Variants in CABYR observed in about 807,000 individuals in gnomAD.
CABYR encodes the protein calcium-binding tyrosine phosphorylation-regulated protein.
A neutral mutation model predicts 36.1 loss-of-function variants in CABYR; 31 were observed. The ratio of observed to expected loss-of-function variants is 0.86; its 90% CI spans 0.64 to 1.16. The LOEUF is 1.16. Among genes scored for constraint, CABYR ranks in the 50% most tolerant of loss-of-function variants. The pLI is 0.00. For synonymous variants in CABYR, 146 were observed against 160.7 expected, an observed-to-expected ratio of 0.91 and a Z score of 0.69; for missense variants, 429 against 455.8, an observed-to-expected ratio of 0.94 and a Z score of 0.53.
chr18:24,141,791 C>T (rs549321405), intron 1 of CABYR, among the ~76,000 whole-genome samples: 1 of 152,188 alleles, frequency 6.6e-6, no homozygotes, highest in East Asian at 1.9e-4. Context: ...ACAGGTTGGT[C>T]TGTGCAGTAT....
At chr18:24,141,129 C>G (rs779079936) in intron 1 of CABYR, among the ~76,000 whole-genome samples, 2 of 152,038 alleles carry the variant, frequency 1.3e-5, no homozygotes, top group Non-Finnish European at 2.9e-5. Flanking sequence ...TGAATGATAT[C>G]GTAAAAGGAA....
rs1415793606 is a variant in CABYR, at chr18:24,141,253, T to C, written c.-24-1838T>C. Reference sequence around the variant, plus strand: ...GAAGATGAGATGTGTTTTTAAGTATTGAACATTTTGCTATGAGATATTCGT... The same window carrying C: ...GAAGATGAGATGTGTTTTTAAGTATCGAACATTTTGCTATGAGATATTCGT... On this transcript the variant is annotated intron_variant, in intron 1 of 5. Coordinates refer to ENST00000399496, the MANE Select transcript of CABYR (RefSeq NM_153769.3). 2.6e-5 allele frequency among the ~76,000 whole-genome samples: 4 copies of C among 152,226 alleles called. No homozygotes were observed. The East Asian group carries it at 7.7e-4, about 29-fold the overall frequency.
intron 3 of CABYR, among the ~76,000 whole-genome samples, chr18:24,144,184 C>T (rs2085402052): frequency 6.6e-6 from 1 of 152,158 alleles, no homozygotes; most frequent in Non-Finnish European, 1.5e-5. Flanking sequence ...ACCTATGAGC[C>T]ACTGTGCCCA....
At chr18:24,156,296 G>A in intron 4 of CABYR, 2 of 1,614,204 alleles carry the variant, frequency 1.2e-6, no homozygotes, top group Non-Finnish European at 1.7e-6. Context: ...TCCCCTTGCA[G>A]GATGAACAAG....
intron 4 of CABYR, chr18:24,156,721 G>A (rs761867428): frequency 6.2e-7 from 1 of 1,614,166 alleles, no homozygotes; most frequent in Admixed American, 1.7e-5. Flanking sequence ...GATGCAGAAG[G>A]TGCTATCAAA....
At chr18:24,140,498 T>C (rs1017387075) in intron 1 of CABYR, among the ~76,000 whole-genome samples, 7 of 15,244 alleles carry the variant, frequency 4.6e-4, no homozygotes. Flanking sequence ...AGACATACAA[T>C]GTTAATCACA....
At position 24,143,366 on chromosome 18, in the gene CABYR, C is replaced by T. The variant is rs752167605; in HGVS notation, c.152C>T (p.Thr51Ile). The change falls in exon 3 of 6, where the codon ACT (threonine) becomes ATT (isoleucine). Residue 51 changes from threonine (T) to isoleucine (I), a missense_variant. Thr to Ile is a moderately conservative substitution (Grantham distance 89). Transcript: ENST00000399496. ...CCTGTATTGATTCCTTCAGGGAATA[C>T]TACTATGGATATAAAAGATCTGGTT... ...FQELTMYRGN[T>I]TMDIKDLVKQ... 3 of 1,584,794 alleles carry T rather than the reference C, an allele frequency of 1.9e-6. No homozygotes were observed. The highest frequency in any genetic ancestry group is 2.6e-6 in the Non-Finnish European group (3 of 1,158,876).
Position 24,159,754 on chromosome 18 carries a change from C to G in CABYR, c.824C>G (p.Pro275Arg), listed in dbSNP as rs753823524. Residue 275 changes from proline (P) to arginine (R), a missense_variant, in exon 5 of 6, where the codon CCT becomes CGT. Pro to Arg is a moderately radical substitution (Grantham distance 103, BLOSUM62 -2). Transcript: ENST00000399496. ...SNVQEAQGWK[P>R]LPGHAVVSQS... The stretch of plus-strand genomic sequence containing the variant: ...GTTCAGGAAGCACAGGGATGGAAAC[C>G]TCTTCCTGGACATGCTGTCGTTTCA... 1.9e-6 allele frequency: 3 copies of G among 1,613,798 alleles called. No homozygotes were observed. Among genetic ancestry groups the G allele is most frequent in the African/African-American group, 2.7e-5 (2 of 74,798 alleles).
chr18:24,157,459 C>T (rs2085820779), intron 4 of CABYR, among the ~76,000 whole-genome samples: 1 of 152,146 alleles, frequency 6.6e-6, no homozygotes, highest in African/African-American at 2.4e-5. Context: ...TGACTGCTTT[C>T]ACACTGAGTC....
intron 3 of CABYR, among the ~76,000 whole-genome samples, chr18:24,145,689 C>G (rs966261857): frequency 6.6e-6 from 1 of 152,090 alleles, no homozygotes; most frequent in African/African-American, 2.4e-5. Context: ...AAAGCTAAGT[C>G]GAGAGATCAG....
chr18:24,147,252 C>CA (rs5823414), intron 3 of CABYR, among the ~76,000 whole-genome samples: 70,372 of 96,434 alleles, frequency 0.73, 25,737 homozygotes, highest in Middle Eastern at 0.81. Flanking sequence ...AACCATGTCT[C>CA]AAAAAAAAAA....
At chr18:24,144,038 C>T (rs2085396597) in intron 3 of CABYR, among the ~76,000 whole-genome samples, 1 of 152,002 alleles carries the variant, frequency 6.6e-6, no homozygotes, top group Non-Finnish European at 1.5e-5. Context: ...GTTGGGACTC[C>T]AGGCGCCCAC....
intron 3 of CABYR, chr18:24,152,621 A>C (rs1392607056): frequency 6.6e-6 from 1 of 152,206 alleles, no homozygotes; most frequent in Non-Finnish European, 1.5e-5. Context: ...ACATTTAAAA[A>C]ATTAATTACA....
At chr18:24,147,812 C>G (rs1373723950) in intron 3 of CABYR, among the ~76,000 whole-genome samples, 1 of 152,096 alleles carries the variant, frequency 6.6e-6, no homozygotes, top group Non-Finnish European at 1.5e-5. Context: ...TGTTTCTTTA[C>G]GACTTCTAAT....
intron 3 of CABYR, among the ~76,000 whole-genome samples, chr18:24,148,956 G>T (rs147961704): frequency 1.3e-5 from 2 of 152,102 alleles, no homozygotes; most frequent in African/African-American, 4.8e-5. Context: ...CTGCTGGCTC[G>T]AACAGCCTGC....
In CABYR at chr18:24,159,525, C is replaced by T. The variant is rs758531005; in HGVS notation, c.595C>T (p.Leu199Phe). Residue 199 changes from leucine to phenylalanine, a missense_variant, in exon 5 of 6, where the codon CTT becomes TTT. Physicochemically the swap from Leu to Phe is conservative, Grantham distance 22. Coordinates refer to ENST00000399496, the MANE Select transcript of CABYR (RefSeq NM_153769.3). ...QPPPCSNMWT[L>F]YCLTDKNQQG... ...ACCACCATGTTCTAACATGTGGACCCTTTATTGTCTAACTGATAAGAATCA... is the reference window on the plus strand; with the variant it reads ...ACCACCATGTTCTAACATGTGGACCTTTTATTGTCTAACTGATAAGAATCA... The T allele has an allele frequency of 3.3e-5, 53 of 1,613,950 alleles. No individual in the cohort carries two copies. The South Asian group carries it at 5.5e-4, about 17-fold the overall frequency.
intron 3 of CABYR, among the ~76,000 whole-genome samples, chr18:24,150,783 G>GTTTTT (rs10715707): frequency 8.8e-6 from 1 of 113,570 alleles, no homozygotes; most frequent in Non-Finnish European, 1.9e-5. Flanking sequence ...TTTGTTTTTT[G>GTTTTT]TTTTTTTTTT....
intron 3 of CABYR, among the ~76,000 whole-genome samples, chr18:24,150,192 G>A (rs1313671501): frequency 6.6e-6 from 1 of 152,260 alleles, no homozygotes; most frequent in East Asian, 1.9e-4. Flanking sequence ...ACTGCATTTG[G>A]TGTTGCTCAC....
chr18:24,141,741 GAC>G (rs1413399501), intron 1 of CABYR, among the ~76,000 whole-genome samples: 1 of 152,100 alleles, frequency 6.6e-6, no homozygotes, highest in East Asian at 1.9e-4. Flanking sequence ...CATACACCCT[GAC>G]ACAGTTTCAG....
Sources: allele counts gnomAD v4.1 joint callset (sites outside exome capture counted in the v4.1 genomes callset), GRCh38; gene constraint gnomAD v4.1.1; transcripts MANE v1.5; gene names NCBI Gene and HGNC (gene_info 2026-07-23, HGNC 2026-07-21).